The following NKAIN2 variants were observed in gnomAD, a reference collection of about 807,000 sequenced individuals.
NKAIN2 encodes sodium/potassium-transporting ATPase subunit beta-1-interacting protein 2.
NKAIN2 carries 14 observed loss-of-function variants against 32.6 expected under a neutral mutation model. That is an observed-to-expected ratio of 0.43 (90% CI 0.28 to 0.67). NKAIN2 has a LOEUF of 0.67. Among genes scored for constraint, NKAIN2 ranks in the 30% least tolerant of loss-of-function variants. NKAIN2 has a pLI of 0.17. For synonymous variants in NKAIN2, 80 were observed against 87.2 expected, an observed-to-expected ratio of 0.92 and a Z score of 0.46; for missense variants, 198 against 258.3, an observed-to-expected ratio of 0.77 and a Z score of 1.60.
In NKAIN2 at chr6:124,563,416, C is replaced by T. The variant is rs1240718345; in HGVS notation, c.274-94770C>T. ...TTAATTTATAGTTTAAATAAATTTGCATTCAAATGTCCGCTGCTACTGTCA... is the reference window on the plus strand; with the variant it reads ...TTAATTTATAGTTTAAATAAATTTGTATTCAAATGTCCGCTGCTACTGTCA... On this transcript the variant is annotated intron_variant, in intron 3 of 6. Transcript: ENST00000368417. 6.6e-5 allele frequency among the ~76,000 whole-genome samples: 10 copies of T among 152,254 alleles called. No homozygotes were observed. In the South Asian group the frequency reaches 2.1e-3, roughly 32 times the overall value.
At chr6:124,688,445 A>G (rs1716833773) in intron 4 of NKAIN2, among the ~76,000 whole-genome samples, 1 of 152,048 alleles carries the variant, frequency 6.6e-6, no homozygotes. Context: ...CCAGAGTGAT[A>G]CATTTGTTAC....
chr6:124,819,146 TGAATTGCAAGCGAAGATCAAAATA>T, intron 6 of NKAIN2: 2 of 964,102 alleles, frequency 2.1e-6, no homozygotes, highest in Non-Finnish European at 2.5e-6. Context: ...AGTGATATGC[TGAATTGCAAGCGAAGATCAAAATA>T]GAAAGTAAGA....
At chr6:124,027,092 G>T (rs1933300592) in intron 1 of NKAIN2, among the ~76,000 whole-genome samples, 1 of 151,172 alleles carries the variant, frequency 6.6e-6, no homozygotes, top group South Asian at 2.1e-4. Flanking sequence ...TTTTCCCTGG[G>T]ATGTCCTTTG....
intron 5 of NKAIN2, among the ~76,000 whole-genome samples, chr6:124,797,416 T>TGATAAGGGACTTATTTTGAA (rs1249343813): frequency 6.6e-6 from 1 of 152,154 alleles, no homozygotes; most frequent in Non-Finnish European, 1.5e-5. Flanking sequence ...TAAAAAATAA[T>TGATAAGGGACTTATTTTGAA]ATCCTAAGGG....
At chr6:124,352,538 A>G (rs574219928) in intron 2 of NKAIN2, among the ~76,000 whole-genome samples, 145 of 152,242 alleles carry the variant, frequency 9.5e-4, no homozygotes, top group Non-Finnish European at 1.8e-3. Context: ...CCGACGACAA[A>G]TTTTCAGGAG....
chr6:124,791,369 G>A lies in NKAIN2; in HGVS notation c.505G>A (p.Val169Met), dbSNP rs1779735698. Residue 169 changes from valine to methionine, a missense_variant, in exon 5 of 7, where the codon GTG (valine) becomes ATG (methionine). By Grantham distance (21) the Val-to-Met change is conservative (BLOSUM62 1). Coordinates refer to ENST00000368417, the MANE Select transcript of NKAIN2 (RefSeq NM_001040214.3). ...LAGFIYACYV[V>M]KCITEEEDSF... ...AGGTTTCATCTACGCCTGTTATGTT[G>A]TGAAATGTATAACTGAAGAAGAGGA... 1 of 1,609,354 alleles carries A rather than the reference G, an allele frequency of 6.2e-7. No homozygotes were observed. The highest frequency in any genetic ancestry group is 8.5e-7 in the Non-Finnish European group (1 of 1,176,588).
At chr6:124,177,779 T>TCAATAGACTCCAAA (rs1479541508) in intron 1 of NKAIN2, among the ~76,000 whole-genome samples, 58 of 2,126 alleles carry the variant, frequency 0.027, 5 homozygotes, top group South Asian at 0.056. Context: ...ATCCATTTTT[T>TCAATAGACTCCAAA]TTTTTTTTTT....
rs150057444 is a variant in NKAIN2, at chr6:123,813,605, A to G, written c.54+9351A>G. Reference sequence around the variant, plus strand: ...GGCCGGTAGATCACCTGAGGTCAGGAGTTCGAGACCAGACTGGCCAACATA... The same window carrying G: ...GGCCGGTAGATCACCTGAGGTCAGGGGTTCGAGACCAGACTGGCCAACATA... On this transcript the variant is annotated intron_variant, in intron 1 of 6. Coordinates refer to ENST00000368417, the MANE Select transcript of NKAIN2 (RefSeq NM_001040214.3). Among the ~76,000 whole-genome samples, 173 of 152,300 alleles carry G rather than the reference A, an allele frequency of 1.1e-3. 1 individual carries two copies. Among genetic ancestry groups the G allele is most frequent in the Middle Eastern group, 3.4e-3 (1 of 292 alleles).
intron 4 of NKAIN2, among the ~76,000 whole-genome samples, chr6:124,740,239 G>A (rs925677769): frequency 2.0e-5 from 3 of 151,662 alleles, no homozygotes; most frequent in East Asian, 2.0e-4. Flanking sequence ...GTGAAGACAT[G>A]GTTAGTTCAT....
At chr6:123,971,911 A>G (rs1191999051) in intron 1 of NKAIN2, among the ~76,000 whole-genome samples, 3 of 152,286 alleles carry the variant, frequency 2.0e-5, no homozygotes, top group East Asian at 3.9e-4. Context: ...AGTAAAATAC[A>G]ATTGGCCTTT....
At chr6:124,132,117 T>C (rs1191941273) in intron 1 of NKAIN2, among the ~76,000 whole-genome samples, 1 of 152,150 alleles carries the variant, frequency 6.6e-6, no homozygotes, top group Non-Finnish European at 1.5e-5. Context: ...GAATGAGAGC[T>C]GGGTGAGGCC....
intron 2 of NKAIN2, among the ~76,000 whole-genome samples, chr6:124,340,659 G>A (rs1798076944): frequency 6.6e-6 from 1 of 152,108 alleles, no homozygotes; most frequent in Non-Finnish European, 1.5e-5. Flanking sequence ...GTGTTAGTTT[G>A]CTAAGGATAA....
intron 1 of NKAIN2, among the ~76,000 whole-genome samples, chr6:124,003,735 G>T (rs981437963): frequency 2.0e-5 from 3 of 152,170 alleles, no homozygotes; most frequent in African/African-American, 7.2e-5. Context: ...CAGAGCTACA[G>T]AGGGGAGGAA....
intron 4 of NKAIN2, among the ~76,000 whole-genome samples, chr6:124,727,079 G>C (rs537766014): frequency 3.2e-4 from 49 of 152,264 alleles, no homozygotes; most frequent in African/African-American, 1.1e-3. Context: ...ATCTACGTCT[G>C]ATTGGTGTAC....
chr6:124,412,194 C>T (rs62436314), intron 3 of NKAIN2, among the ~76,000 whole-genome samples: 6,779 of 152,274 alleles, frequency 0.045, 251 homozygotes, highest in Non-Finnish European at 0.065. Context: ...AGTCAGTCTC[C>T]GTCCAGCTTT....
intron 1 of NKAIN2, among the ~76,000 whole-genome samples, chr6:123,947,186 C>T (rs1332238683): frequency 6.6e-6 from 1 of 152,128 alleles, no homozygotes; most frequent in Non-Finnish European, 1.5e-5. Context: ...TATTCTAGCC[C>T]TTTGTCTTCA....
At chr6:124,344,582 C>G (rs981517716) in intron 2 of NKAIN2, among the ~76,000 whole-genome samples, 3 of 151,904 alleles carry the variant, frequency 2.0e-5, no homozygotes, top group East Asian at 1.9e-4. Context: ...GTATTTTATT[C>G]TCTTTGAAGC....
chr6:124,662,303 TTA>T (rs3051841), intron 4 of NKAIN2, among the ~76,000 whole-genome samples: 98,476 of 150,784 alleles, frequency 0.65, 32,357 homozygotes, highest in East Asian at 0.75. Context: ...AAAGAATAAT[TTA>T]TATATATATA....
intron 1 of NKAIN2, among the ~76,000 whole-genome samples, chr6:124,064,022 T>C (rs112811119): frequency 0.013 from 2,002 of 151,806 alleles, 31 homozygotes; most frequent in African/African-American, 0.038. Context: ...ACTATCTCAG[T>C]TCAATGCATG....
Sources: allele counts gnomAD v4.1 joint callset (sites outside exome capture counted in the v4.1 genomes callset), GRCh38; gene constraint gnomAD v4.1.1; transcripts MANE v1.5; gene names NCBI Gene and HGNC (gene_info 2026-07-23, HGNC 2026-07-21).